HPSE2: variants seen among roughly 807,000 people sequenced by gnomAD.
The protein encoded by HPSE2 is heparanase 2 (inactive), also known as inactive heparanase-2.
HPSE2 carries 38 observed loss-of-function variants against 60.5 expected under a neutral mutation model. The ratio of observed to expected loss-of-function variants is 0.63; its 90% CI spans 0.48 to 0.82. HPSE2 has a LOEUF of 0.82. HPSE2 is among the 40% of genes least tolerant of loss of function. HPSE2 has a pLI of 0.00. For synonymous variants in HPSE2, 295 were observed against 293.2 expected (o/e 1.01, Z -0.06); for missense variants, 713 against 740.4 (o/e 0.96, Z 0.43).
chr10:98,592,942 T>C (rs756364421), intron 9 of HPSE2, among the ~76,000 whole-genome samples: 11 of 152,228 alleles, frequency 7.2e-5, no homozygotes, highest in Non-Finnish European at 1.3e-4. Flanking sequence ...TTAAATAATT[T>C]ATCATCAGGA....
intron 7 of HPSE2, among the ~76,000 whole-genome samples, chr10:98,624,326 C>G (rs1293627891): frequency 6.6e-6 from 1 of 152,094 alleles, no homozygotes; most frequent in Non-Finnish European, 1.5e-5. Flanking sequence ...GGTATCTGAA[C>G]TGAGAACTGA....
chr10:99,311,793 A>C, the HPSE2 span, among the ~76,000 whole-genome samples: 2 of 152,252 alleles, frequency 1.3e-5, no homozygotes, highest in Admixed American at 1.3e-4. Flanking sequence ...GTATGTCAAA[A>C]GCTGAGATAG....
At chr10:98,759,433 G>A (rs1042630809) in intron 3 of HPSE2, among the ~76,000 whole-genome samples, 1 of 151,950 alleles carries the variant, frequency 6.6e-6, no homozygotes, top group Non-Finnish European at 1.5e-5. Flanking sequence ...GGGTCTTATT[G>A]TTTTAGTTTT....
chr10:98,502,011 A>G (rs1942043805), intron 9 of HPSE2, among the ~76,000 whole-genome samples: 1 of 152,184 alleles, frequency 6.6e-6, no homozygotes, highest in Non-Finnish European at 1.5e-5. Context: ...GACCTCTACA[A>G]GGAAAACTAC....
intron 3 of HPSE2, among the ~76,000 whole-genome samples, chr10:99,022,781 G>GCC (rs1957292715): frequency 6.6e-6 from 1 of 152,044 alleles, no homozygotes; most frequent in Non-Finnish European, 1.5e-5. Flanking sequence ...AAAATACCCA[G>GCC]CCCTGGCAGC....
chr10:99,215,698 C>T (rs1314180404), intron 2 of HPSE2, among the ~76,000 whole-genome samples: 7 of 152,122 alleles, frequency 4.6e-5, no homozygotes, highest in Non-Finnish European at 8.8e-5. Context: ...CCAAAATAAG[C>T]AAACCAATAG....
At chr10:99,109,735 A>G (rs1486588563) in intron 3 of HPSE2, among the ~76,000 whole-genome samples, 1 of 152,210 alleles carries the variant, frequency 6.6e-6, no homozygotes, top group Non-Finnish European at 1.5e-5. Flanking sequence ...TAAAGATGAC[A>G]TGAAGAAAAA....
chr10:98,537,729 T>C lies in HPSE2; in HGVS notation c.1321-47533A>G, dbSNP rs1385791318. Among the ~76,000 whole-genome samples the C allele has an allele frequency of 2.0e-5, 3 of 152,148 alleles. No individual in the cohort carries two copies. In the East Asian group the frequency reaches 5.8e-4, roughly 29 times the overall value. On this transcript the variant is annotated intron_variant, in intron 9 of 11. Transcript: ENST00000370552. ...TAGCAGACCGCGAAAGGGAGTCTCC[T>C]TTCCTTGGAGGAGTCAGGGAACACT... is the stretch of plus-strand genomic sequence containing the variant.
chr10:98,737,753 G>A (rs530280976), intron 4 of HPSE2, among the ~76,000 whole-genome samples: 1 of 152,184 alleles, frequency 6.6e-6, no homozygotes, highest in Non-Finnish European at 1.5e-5. Context: ...AACCACCTAG[G>A]AATCCAACTT....
At chr10:98,911,713 C>T (rs1055775579) in intron 3 of HPSE2, among the ~76,000 whole-genome samples, 1 of 151,992 alleles carries the variant, frequency 6.6e-6, no homozygotes, top group Non-Finnish European at 1.5e-5. Context: ...GGGGGACATA[C>T]TGATGTTTGT....
At chr10:99,156,568 T>G (rs1846572140) in intron 2 of HPSE2, among the ~76,000 whole-genome samples, 1 of 131,096 alleles carries the variant, frequency 7.6e-6, no homozygotes, top group South Asian at 2.8e-4. Context: ...TGCTAAAAAC[T>G]CTCAATACAT....
chr10:99,170,517 T>C (rs1454613351), intron 2 of HPSE2, among the ~76,000 whole-genome samples: 1 of 152,162 alleles, frequency 6.6e-6, no homozygotes, highest in Non-Finnish European at 1.5e-5. Flanking sequence ...CATAAATCAT[T>C]CATATGCTAA....
chr10:99,077,759 CTA>C (rs1327645427), intron 3 of HPSE2, among the ~76,000 whole-genome samples: 17 of 151,468 alleles, frequency 1.1e-4, no homozygotes, highest in Non-Finnish European at 2.4e-4. Flanking sequence ...ACAAATTTAT[CTA>C]TGTTGAAATT....
intron 3 of HPSE2, among the ~76,000 whole-genome samples, chr10:98,809,113 A>T (rs558514365): frequency 6.6e-6 from 1 of 152,202 alleles, no homozygotes; most frequent in African/African-American, 2.4e-5. Flanking sequence ...GTACTCTGAA[A>T]CTCATAGTTT....
intron 3 of HPSE2, among the ~76,000 whole-genome samples, chr10:98,979,166 CTCCTTCAGGCACCAGCTAGAGGTAAACCT>C (rs1252204515): frequency 9.9e-5 from 15 of 152,156 alleles, no homozygotes; most frequent in South Asian, 8.3e-4. Flanking sequence ...TTAGGTAAAC[CTCCTTCAGGCACCAGCTAGAGGTAAACCT>C]TCCTTCAGGC....
intron 3 of HPSE2, among the ~76,000 whole-genome samples, chr10:98,894,271 T>C (rs755832702): frequency 2.6e-5 from 4 of 152,094 alleles, no homozygotes; most frequent in Non-Finnish European, 4.4e-5. Flanking sequence ...AAATAGCAAG[T>C]ACAACAGCAG....
At chr10:98,486,579 T>C (rs1564912293) in intron 10 of HPSE2, among the ~76,000 whole-genome samples, 1 of 152,142 alleles carries the variant, frequency 6.6e-6, no homozygotes, top group Non-Finnish European at 1.5e-5. Context: ...TGGAATATCC[T>C]AAATGTAAGA....
At chr10:98,586,898 G>A (rs1281873965) in intron 9 of HPSE2, among the ~76,000 whole-genome samples, 1 of 152,274 alleles carries the variant, frequency 6.6e-6, no homozygotes. Context: ...GGGCCAGATT[G>A]TTCTGTGCTC....
chr10:98,879,278 T>C (rs1952956200), intron 3 of HPSE2, among the ~76,000 whole-genome samples: 1 of 152,048 alleles, frequency 6.6e-6, no homozygotes, highest in African/African-American at 2.4e-5. Flanking sequence ...ATTTCTTACT[T>C]GTCTGTATGC....
Sources: allele counts gnomAD v4.1 joint callset (sites outside exome capture counted in the v4.1 genomes callset), GRCh38; gene constraint gnomAD v4.1.1; transcripts MANE v1.5; gene names NCBI Gene and HGNC (gene_info 2026-07-23, HGNC 2026-07-21).